ZFHX4: variants seen among roughly 807,000 people sequenced by gnomAD.
ZFHX4 encodes zinc finger homeobox protein 4.
ZFHX4 carries 56 observed loss-of-function variants against 267.6 expected under a neutral mutation model. The ratio of observed to expected loss-of-function variants is 0.21; its 90% CI spans 0.17 to 0.26. ZFHX4 has a LOEUF of 0.26. ZFHX4 is among the 10% of genes least tolerant of loss of function. The probability of loss-of-function intolerance (pLI) is 1.00; values close to 1 mark genes in which losing one functional copy is unlikely to be tolerated. For missense variants in ZFHX4, 4,332 were observed against 4,420.0 expected (o/e 0.98, Z 0.56); for synonymous variants, 1,778 against 1,665.6 (o/e 1.07, Z -1.64).
chr8:76,681,525 C>A lies in ZFHX4; in HGVS notation c.-142C>A, dbSNP rs1382514633. ...TATTTTTTTTGTTTTTTTAATGAAC[C>A]CTCTCGTTTTACTTGGATGTGATCA... On this transcript the variant is annotated 5_prime_UTR_variant, in exon 1 of 11. Transcript: ENST00000651372. The A allele has an allele frequency of 1.5e-5, 6 of 397,628 alleles. No individual in the cohort carries two copies. Among genetic ancestry groups the A allele is most frequent in the Non-Finnish European group, 2.7e-5 (6 of 225,888 alleles). The allele number at this position is 397,628 out of a possible 1,614,324, so 24.6% of individuals were successfully genotyped here. A position where few individuals can be genotyped will look rare whatever the true frequency, so the allele number is the denominator to read the frequency against.
chr8:76,726,878 T>C (rs1459218472), intron 3 of ZFHX4, among the ~76,000 whole-genome samples: 1 of 152,160 alleles, frequency 6.6e-6, no homozygotes, highest in Non-Finnish European at 1.5e-5. Flanking sequence ...GTTGGGCATA[T>C]AAAGGCCCTG....
intron 4 of ZFHX4, among the ~76,000 whole-genome samples, chr8:76,810,231 A>G (rs767118046): frequency 2.0e-5 from 3 of 152,186 alleles, no homozygotes; most frequent in Non-Finnish European, 2.9e-5. Context: ...TACAAAACCT[A>G]TATCAAAAGG....
In ZFHX4 at chr8:76,855,585, C is replaced by G; in HGVS notation, c.8664C>G (p.Ile2888Met). 1 of 1,613,878 alleles carries G rather than the reference C, an allele frequency of 6.2e-7. No homozygotes were observed. The highest frequency in any genetic ancestry group is 2.2e-5 in the East Asian group (1 of 44,836). Residue 2888 changes from isoleucine to methionine, a missense_variant, in exon 10 of 11, where the codon ATC becomes ATG. Physicochemically the swap from Ile to Met is conservative, Grantham distance 10. This residue lies in a region of ZFHX4 where 1,648 missense variants were observed against 1,625.0 expected (regional missense o/e 1.01). Transcript: ENST00000651372. ...KDGDHDQSFY[I>M]TDDPDDNADR... ...GCGACCACGACCAAAGCTTTTACATCACAGATGACCCGGATGACAACGCCG... is the reference window on the plus strand; with the variant it reads ...GCGACCACGACCAAAGCTTTTACATGACAGATGACCCGGATGACAACGCCG...
chr8:76,697,227 A>G (rs1384012310), intron 1 of ZFHX4, among the ~76,000 whole-genome samples: 1 of 151,990 alleles, frequency 6.6e-6, no homozygotes, highest in East Asian at 1.9e-4. Context: ...TAGACAAAGG[A>G]GAAAAAATAT....
intron 3 of ZFHX4, among the ~76,000 whole-genome samples, chr8:76,743,680 C>T (rs1020537535): frequency 2.0e-5 from 3 of 152,110 alleles, no homozygotes; most frequent in Non-Finnish European, 2.9e-5. Flanking sequence ...AACGAAATTT[C>T]AGCAGTCATT....
chr8:76,836,042 T>A (rs2131899097), intron 5 of ZFHX4, among the ~76,000 whole-genome samples: 1 of 152,296 alleles, frequency 6.6e-6, no homozygotes, highest in Middle Eastern at 3.4e-3. Context: ...GTTGCACAAA[T>A]AGTCAAATTA....
At chr8:76,712,925 A>G (rs1185456279) in intron 3 of ZFHX4, among the ~76,000 whole-genome samples, 2 of 152,208 alleles carry the variant, frequency 1.3e-5, no homozygotes, top group Admixed American at 1.3e-4. Context: ...AGATTGAAAA[A>G]AAACAGTTTC....
At chr8:76,762,427 T>A (rs560429695) in intron 3 of ZFHX4, among the ~76,000 whole-genome samples, 1 of 152,320 alleles carries the variant, frequency 6.6e-6, no homozygotes, top group African/African-American at 2.4e-5. Flanking sequence ...AATGAGATAG[T>A]ATGTGAACAA....
intron 3 of ZFHX4, among the ~76,000 whole-genome samples, chr8:76,715,719 G>T (rs994523030): frequency 1.3e-5 from 2 of 151,810 alleles, no homozygotes; most frequent in African/African-American, 4.8e-5. Context: ...ATTTCACTTG[G>T]TTTTACACCA....
chr8:76,777,499 T>C (rs1197080244), intron 3 of ZFHX4, among the ~76,000 whole-genome samples: 6 of 152,198 alleles, frequency 3.9e-5, no homozygotes, highest in Non-Finnish European at 5.9e-5. Flanking sequence ...ATCTAACATA[T>C]AATTAAGAGA....
intron 4 of ZFHX4, among the ~76,000 whole-genome samples, chr8:76,809,313 G>A (rs1811319527): frequency 6.6e-6 from 1 of 152,142 alleles, no homozygotes; most frequent in Non-Finnish European, 1.5e-5. Context: ...TTTTGCAAGT[G>A]TGAATGTGGT....
rs776077451 is a variant in ZFHX4, at chr8:76,707,825, A to G, written c.2870A>G (p.Asn957Ser). 6.2e-7 allele frequency: 1 copy of G among 1,614,194 alleles called. No individual in the cohort carries two copies. The highest frequency in any genetic ancestry group is 8.5e-7 in the Non-Finnish European group (1 of 1,180,014). The change falls in exon 3 of 11, where the codon AAC becomes AGC. Residue 957 changes from asparagine to serine, a missense_variant. This residue lies in a region of ZFHX4 where 1,371 missense variants were observed against 1,423.1 expected (regional missense o/e 0.96). Transcript: ENST00000651372. ...AACTACAACACTCAGCTCAAAGCCA[A>G]CTTCCAGCTACACTGCAAGACTGAT... ...LCNYNTQLKA[N>S]FQLHCKTDKH...
intron 6 of ZFHX4, among the ~76,000 whole-genome samples, chr8:76,843,180 C>T (rs1192738635): frequency 6.6e-6 from 1 of 152,282 alleles, no homozygotes; most frequent in East Asian, 1.9e-4. Flanking sequence ...GTCATTCAGT[C>T]ACATGTATTC....
At chr8:76,699,775 C>CTTTTTTTTTTTTTTTTT (rs59083020) in intron 1 of ZFHX4, among the ~76,000 whole-genome samples, 1 of 141,400 alleles carries the variant, frequency 7.1e-6, no homozygotes. Context: ...AGCCAAAATT[C>CTTTTTTTTTTTTTTTTT]TTTTTTTTTT....
In ZFHX4 at chr8:76,692,440, A is replaced by G. The variant is rs375369220; in HGVS notation, c.-47+10820A>G. 2.4e-3 allele frequency among the ~76,000 whole-genome samples: 363 copies of G among 152,234 alleles called. 3 individuals are homozygous for G. The highest frequency in any genetic ancestry group is 8.2e-3 in the African/African-American group (341 of 41,552). On this transcript the variant is annotated intron_variant, in intron 1 of 10. Transcript: ENST00000651372. ...GTTACGTGGTATCCTGTTGACCAAA[A>G]TTTATACCAACCTAGAGAAGAGATC... is the stretch of plus-strand genomic sequence containing the variant.
chr8:76,714,822 T>C (rs1808521239), intron 3 of ZFHX4, among the ~76,000 whole-genome samples: 1 of 152,192 alleles, frequency 6.6e-6, no homozygotes, highest in Non-Finnish European at 1.5e-5. Flanking sequence ...ACTTCCTAAC[T>C]CATTCTGCTC....
chr8:76,828,400 A>C (rs1456259016), intron 4 of ZFHX4, among the ~76,000 whole-genome samples: 1 of 151,976 alleles, frequency 6.6e-6, no homozygotes, highest in Non-Finnish European at 1.5e-5. Flanking sequence ...TTCAAATCTC[A>C]CTTCTGCTGC....
intron 3 of ZFHX4, among the ~76,000 whole-genome samples, chr8:76,763,104 C>G (rs372264763): frequency 1.3e-5 from 2 of 152,050 alleles, no homozygotes; most frequent in Non-Finnish European, 2.9e-5. Flanking sequence ...GAAGAGACAC[C>G]ATTGTCATTG....
intron 5 of ZFHX4, among the ~76,000 whole-genome samples, chr8:76,838,161 T>C (rs1314978767): frequency 2.0e-5 from 3 of 152,048 alleles, no homozygotes; most frequent in Non-Finnish European, 4.4e-5. Flanking sequence ...CTACAAACAG[T>C]TGGGTTTCTT....
Sources: gnomAD v4.1 joint callset for allele counts (sites outside exome capture counted in the v4.1 genomes callset) on GRCh38, gnomAD v4.1.1 for gene constraint, gnomAD v4.1.1 regional missense constraint, MANE v1.5 for transcripts, NCBI Gene and HGNC (gene_info 2026-07-23, HGNC 2026-07-21) for gene names.